Variants in ZNF532 observed in about 807,000 individuals in gnomAD.
The protein encoded by ZNF532 is zinc finger protein 532.
A neutral mutation model predicts 89.3 loss-of-function variants in ZNF532; 22 were observed. The observed-to-expected ratio is 0.25, with a 90% CI of 0.18 to 0.35. ZNF532 has a LOEUF of 0.35. Among genes scored for constraint, ZNF532 ranks in the 10% least tolerant of loss-of-function variants. ZNF532 has a pLI of 1.00. For synonymous variants in ZNF532, 606 were observed against 649.6 expected (o/e 0.93, Z 1.02); for missense variants, 1,132 against 1,643.4 (o/e 0.69, Z 5.38).
intron 2 of ZNF532, among the ~76,000 whole-genome samples, chr18:58,870,386 A>G (rs959426966): frequency 6.6e-6 from 1 of 152,146 alleles, no homozygotes; most frequent in African/African-American, 2.4e-5. Flanking sequence ...ACTGGTAAGA[A>G]TATGTGAGGC....
chr18:58,983,068 T>C (rs1182487108), intron 9 of ZNF532, among the ~76,000 whole-genome samples: 1 of 152,094 alleles, frequency 6.6e-6, no homozygotes, highest in Admixed American at 6.5e-5. Context: ...GCCGAGATCA[T>C]GCCATTGCAC....
chr18:58,907,740 T>G (rs2060027496), intron 2 of ZNF532, among the ~76,000 whole-genome samples: 1 of 152,192 alleles, frequency 6.6e-6, no homozygotes, highest in African/African-American at 2.4e-5. Context: ...ATTTCTCATT[T>G]GTGCCTCATC....
chr18:58,879,663 A>G (rs193236312), intron 2 of ZNF532, among the ~76,000 whole-genome samples: 1 of 152,318 alleles, frequency 6.6e-6, no homozygotes, highest in Admixed American at 6.5e-5. Context: ...CGCTGGGATT[A>G]CAGGAGTGAG....
intron 7 of ZNF532, among the ~76,000 whole-genome samples, chr18:58,970,937 C>G (rs2066418275): frequency 6.6e-6 from 1 of 152,194 alleles, no homozygotes. Flanking sequence ...TTCCTTCAGC[C>G]CTTTCTTTTT....
intron 2 of ZNF532, among the ~76,000 whole-genome samples, chr18:58,880,770 G>GTA (rs2057842185): frequency 6.9e-6 from 1 of 144,126 alleles, no homozygotes; most frequent in African/African-American, 2.7e-5. Context: ...GCACGCGCGC[G>GTA]CGTCTGTGTG....
At chr18:58,867,864 C>G (rs2056619384) in intron 2 of ZNF532, among the ~76,000 whole-genome samples, 1 of 152,252 alleles carries the variant, frequency 6.6e-6, no homozygotes, top group Non-Finnish European at 1.5e-5. Flanking sequence ...CAGGAGCACA[C>G]ACGCTCTCTT....
intron 2 of ZNF532, among the ~76,000 whole-genome samples, chr18:58,911,042 C>G (rs1403593397): frequency 6.6e-6 from 1 of 152,188 alleles, no homozygotes; most frequent in Non-Finnish European, 1.5e-5. Flanking sequence ...CCACGCCCAG[C>G]CCTGCCTGGA....
intron 9 of ZNF532, among the ~76,000 whole-genome samples, chr18:58,982,001 C>CAA (rs60019659): frequency 0.24 from 19,615 of 82,950 alleles, 1,964 homozygotes; most frequent in East Asian, 0.56. Context: ...GAGACTCTCC[C>CAA]AAAAAAAAAA....
chr18:58,956,409 G>A (rs1176587217), intron 7 of ZNF532, among the ~76,000 whole-genome samples: 2 of 152,234 alleles, frequency 1.3e-5, no homozygotes, highest in Non-Finnish European at 2.9e-5. Flanking sequence ...TGGGTGAGGA[G>A]AGGGGAGGAG....
In ZNF532 at chr18:58,888,890, T is replaced by TATATATATATA. The variant is rs1568249226; in HGVS notation, c.-18+23311_-18+23312insATATATATATA. Among the ~76,000 whole-genome samples the TATATATATATA allele has an allele frequency of 1.3e-3, 46 of 34,416 alleles. 1 individual carries two copies. Among genetic ancestry groups the TATATATATATA allele is most frequent in the Non-Finnish European group, 1.9e-3 (41 of 21,934 alleles). 22.6% of individuals were successfully genotyped at this position (34,416 alleles called of 152,430 possible). ...TATAATATATATTATATATATATAT[T>TATATATATATA]TTATATATATATATATATATATAAT... On this transcript the variant is annotated intron_variant, in intron 2 of 9. Coordinates refer to ENST00000591808, the MANE Select transcript of ZNF532 (RefSeq NM_001375912.1).
intron 2 of ZNF532, among the ~76,000 whole-genome samples, chr18:58,887,912 A>G (rs2058418732): frequency 6.6e-6 from 1 of 152,206 alleles, no homozygotes; most frequent in African/African-American, 2.4e-5. Context: ...CAGAAATAAT[A>G]TGCCAATGGC....
chr18:58,944,425 C>A (rs185745455), intron 5 of ZNF532, among the ~76,000 whole-genome samples: 2 of 152,042 alleles, frequency 1.3e-5, no homozygotes, highest in East Asian at 3.9e-4. Context: ...GCTACTCATC[C>A]GATCTTGCAT....
At chr18:58,885,074 C>T (rs1261410684) in intron 2 of ZNF532, among the ~76,000 whole-genome samples, 5 of 151,754 alleles carry the variant, frequency 3.3e-5, no homozygotes, top group South Asian at 2.1e-4. Flanking sequence ...CCGCAGCCTC[C>T]GCCTCCTGGG....
intron 3 of ZNF532, among the ~76,000 whole-genome samples, chr18:58,927,737 A>AT: frequency 6.6e-6 from 1 of 152,246 alleles, no homozygotes; most frequent in East Asian, 1.9e-4. Flanking sequence ...AGATCCTAAT[A>AT]TACCTGTCCT....
chr18:58,954,513 TATTAC>T (rs1462444380), intron 7 of ZNF532, among the ~76,000 whole-genome samples: 1 of 152,196 alleles, frequency 6.6e-6, no homozygotes, highest in Non-Finnish European at 1.5e-5. Flanking sequence ...AAAGTCCATA[TATTAC>T]ATTTGGTTGT....
At chr18:58,941,951 C>CCTCCCTCCCTCT (rs1387557348) in intron 5 of ZNF532, among the ~76,000 whole-genome samples, 9 of 135,324 alleles carry the variant, frequency 6.7e-5, no homozygotes, top group Admixed American at 2.2e-4. Flanking sequence ...TCTTTCCTTT[C>CCTCCCTCCCTCT]CTCCCTCCCT....
At chr18:58,975,172 T>C (rs1181084921) in intron 7 of ZNF532, among the ~76,000 whole-genome samples, 1 of 152,176 alleles carries the variant, frequency 6.6e-6, no homozygotes, top group Non-Finnish European at 1.5e-5. Flanking sequence ...TGGTTTTTCC[T>C]TTTTCATAAA....
chr18:58,970,161 G>A (rs1198269808), intron 7 of ZNF532, among the ~76,000 whole-genome samples: 1 of 152,158 alleles, frequency 6.6e-6, no homozygotes, highest in Non-Finnish European at 1.5e-5. Context: ...TGGGATTACA[G>A]GCGTGAGCCG....
Position 58,918,470 on chromosome 18 carries a change from C to T in ZNF532, c.183C>T (p.Val61=). The change falls in exon 3 of 10, where the codon GTC becomes GTT. Residue 61 remains valine, a synonymous_variant. Transcript: ENST00000591808. ...SHAPSSSDVG[V]SVIVKNVRNI... ...CACCATCATCTTCTGATGTGGGTGT[C>T]AGCGTTATCGTCAAGAATGTTCGGA... 1.2e-6 allele frequency: 2 copies of T among 1,614,178 alleles called. No homozygotes were observed. The highest frequency in any genetic ancestry group is 2.2e-5 in the East Asian group (1 of 44,868).
Sources: allele counts gnomAD v4.1 joint callset (sites outside exome capture counted in the v4.1 genomes callset), GRCh38; gene constraint gnomAD v4.1.1; transcripts MANE v1.5; gene names NCBI Gene and HGNC (gene_info 2026-07-23, HGNC 2026-07-21).